CUX1: variants seen among roughly 807,000 people sequenced by gnomAD.
The protein encoded by CUX1 is cut like homeobox 1, also known as protein CASP.
A neutral mutation model predicts 158.8 loss-of-function variants in CUX1; 31 were observed. The observed-to-expected ratio is 0.20, with a 90% CI of 0.15 to 0.26. The LOEUF (loss-of-function observed/expected upper bound fraction) is 0.26. Among genes scored for constraint, CUX1 ranks in the 10% least tolerant of loss-of-function variants. The probability of loss-of-function intolerance (pLI) is 1.00; values close to 1 mark genes in which losing one functional copy is unlikely to be tolerated. For missense variants in CUX1, 1,589 were observed against 2,014.6 expected (o/e 0.79, Z 4.04); for synonymous variants, 879 against 862.1 (o/e 1.02, Z -0.34).
At chr7:101,881,646 A>G (rs1017762775) in intron 1 of CUX1, among the ~76,000 whole-genome samples, 1 of 152,142 alleles carries the variant, frequency 6.6e-6, no homozygotes, top group Non-Finnish European at 1.5e-5. Context: ...GACGCCACCG[A>G]TTTGTCAAGA....
intron 3 of CUX1, among the ~76,000 whole-genome samples, chr7:102,065,752 C>T (rs190831214): frequency 2.0e-5 from 3 of 151,730 alleles, no homozygotes; most frequent in Non-Finnish European, 2.9e-5. Context: ...GGTTTTTATG[C>T]CGGTTTAGAT....
Position 102,249,203 on chromosome 7 carries a change from G to C in CUX1, c.*161G>C. On this transcript the variant is annotated 3_prime_UTR_variant, in exon 24 of 24. Coordinates refer to ENST00000292535, the MANE Select transcript of CUX1 (RefSeq NM_181552.4). ...GCAGCCCAGACCCCCTCCACGGTCC[G>C]CGGCCTGCACCGACCCGAGGCCCAG... is the stretch of plus-strand genomic sequence containing the variant. 14 of 1,118,446 alleles carry C rather than the reference G, an allele frequency of 1.3e-5. No individual in the cohort carries two copies. The highest frequency in any genetic ancestry group is 4.4e-5 in the South Asian group (1 of 22,512). 69.3% of individuals were successfully genotyped at this position (1,118,446 alleles called of 1,614,324 possible).
At chr7:102,242,130 G>A (rs1049694416) in intron 23 of CUX1, among the ~76,000 whole-genome samples, 2 of 152,104 alleles carry the variant, frequency 1.3e-5, no homozygotes, top group Non-Finnish European at 2.9e-5. Flanking sequence ...GGAAATGAAC[G>A]GAAACGTGGA....
rs150481400 is a variant in CUX1 at position 102,028,434 on chromosome 7, C to T, written c.189+289C>T. On this transcript the variant is annotated intron_variant, in intron 3 of 23. Transcript: ENST00000292535. Reference sequence around the variant, plus strand: ...TGCAACAGGCAGGTTGTTGGCGCTACGGCCTTCAGGAGCCCATGCATCCCC... The same window carrying T: ...TGCAACAGGCAGGTTGTTGGCGCTATGGCCTTCAGGAGCCCATGCATCCCC... 5.3e-3 allele frequency among the ~76,000 whole-genome samples: 814 copies of T among 152,300 alleles called. 4 individuals carry two copies. The highest frequency in any genetic ancestry group is 0.018 in the African/African-American group (762 of 41,556).
chr7:101,888,158 A>G (rs1800452751), intron 1 of CUX1, among the ~76,000 whole-genome samples: 1 of 151,900 alleles, frequency 6.6e-6, no homozygotes, highest in South Asian at 2.1e-4. Flanking sequence ...ACATGGCGAA[A>G]CCCCGTCTCT....
intron 1 of CUX1, among the ~76,000 whole-genome samples, chr7:101,859,502 G>T (rs1305833147): frequency 6.6e-6 from 1 of 151,976 alleles, no homozygotes; most frequent in East Asian, 1.9e-4. Context: ...CCCGTATTTG[G>T]CCTATTTCAG....
At chr7:102,099,552 G>A (rs1554485659) in intron 5 of CUX1, among the ~76,000 whole-genome samples, 2 of 149,992 alleles carry the variant, frequency 1.3e-5, no homozygotes, top group Non-Finnish European at 1.5e-5. Context: ...TTTGGTGAGT[G>A]TTTTTTATTT....
intron 2 of CUX1, among the ~76,000 whole-genome samples, chr7:102,019,709 C>G (rs540814443): frequency 6.6e-6 from 1 of 152,188 alleles, no homozygotes; most frequent in Non-Finnish European, 1.5e-5. Context: ...AGTTGTACCA[C>G]GTACCACGCA....
At chr7:102,142,690 G>C (rs1834596165) in intron 8 of CUX1, among the ~76,000 whole-genome samples, 1 of 151,776 alleles carries the variant, frequency 6.6e-6, no homozygotes, top group African/African-American at 2.4e-5. Flanking sequence ...AGGGGATCGA[G>C]ACAGGAGGAT....
At chr7:102,120,555 G>A (rs1001077110) in intron 8 of CUX1, among the ~76,000 whole-genome samples, 1 of 152,126 alleles carries the variant, frequency 6.6e-6, no homozygotes, top group Non-Finnish European at 1.5e-5. Flanking sequence ...ACATAGTACG[G>A]TTACAAAAGA....
At position 101,916,181 on chromosome 7, in the gene CUX1, C is replaced by A. The variant is rs771176824; in HGVS notation, c.97C>A (p.Arg33=). Residue 33 remains arginine, a synonymous_variant, in exon 2 of 24, where the codon CGG becomes AGG. Transcript: ENST00000292535. The surrounding 1 kb of genome is among the most constrained non-coding windows in gnomAD (Gnocchi z 4.4). ...GGATGAAAGTGAGCAGTCCAGAAAGCGGCTTATCGAACAGAGCCGGGAGTT... is the reference window on the plus strand; with the variant it reads ...GGATGAAAGTGAGCAGTCCAGAAAGAGGCTTATCGAACAGAGCCGGGAGTT... ...RQDESEQSRK[R]LIEQSREFKK... 1.2e-6 allele frequency: 2 copies of A among 1,613,784 alleles called. No homozygotes were observed. The highest frequency in any genetic ancestry group is 1.7e-6 in the Non-Finnish European group (2 of 1,179,870).
At chr7:102,135,321 A>G (rs1211865087) in intron 8 of CUX1, among the ~76,000 whole-genome samples, 1 of 152,210 alleles carries the variant, frequency 6.6e-6, no homozygotes, top group African/African-American at 2.4e-5. Flanking sequence ...AAGGAAGAGA[A>G]AACACACTTT....
intron 9 of CUX1, among the ~76,000 whole-genome samples, chr7:102,166,174 C>A (rs1268975263): frequency 6.6e-6 from 1 of 152,222 alleles, no homozygotes; most frequent in African/African-American, 2.4e-5. Context: ...CACCAGTCCC[C>A]TTGCCGGGTG....
chr7:102,247,741 A>G (rs1336640699), intron 23 of CUX1, among the ~76,000 whole-genome samples: 3 of 152,236 alleles, frequency 2.0e-5, no homozygotes, highest in Non-Finnish European at 4.4e-5. Context: ...GGATCACTCA[A>G]GCCCAGTAGT....
At chr7:101,946,748 T>A (rs2129147737) in intron 2 of CUX1, among the ~76,000 whole-genome samples, 1 of 152,162 alleles carries the variant, frequency 6.6e-6, no homozygotes, top group African/African-American at 2.4e-5. Context: ...GGCCTTGCTG[T>A]CTTAATTTTA....
chr7:102,206,068 G>A (rs1453808082), intron 20 of CUX1, among the ~76,000 whole-genome samples: 3 of 152,244 alleles, frequency 2.0e-5, no homozygotes, highest in Non-Finnish European at 4.4e-5. Flanking sequence ...ACAGGAGCAC[G>A]AAGCCCGCCA....
At chr7:102,031,134 C>T (rs1297293630) in intron 3 of CUX1, among the ~76,000 whole-genome samples, 1 of 152,192 alleles carries the variant, frequency 6.6e-6, no homozygotes, top group East Asian at 1.9e-4. Context: ...TCTCAGCTCA[C>T]CACAACCTCC....
intron 21 of CUX1, among the ~76,000 whole-genome samples, chr7:102,229,845 C>T (rs1424452635): frequency 1.3e-5 from 2 of 151,898 alleles, no homozygotes; most frequent in African/African-American, 2.4e-5. Flanking sequence ...CTCGAATTGG[C>T]CTCTGGCCTC....
intron 20 of CUX1, among the ~76,000 whole-genome samples, chr7:102,223,626 AAAC>A (rs1369576924): frequency 6.6e-6 from 1 of 152,168 alleles, no homozygotes; most frequent in East Asian, 1.9e-4. Flanking sequence ...ATACTTTCTG[AAAC>A]AACAAGGCTT....
Sources: allele counts gnomAD v4.1 joint callset (sites outside exome capture counted in the v4.1 genomes callset), GRCh38; gene constraint gnomAD v4.1.1; non-coding constraint Gnocchi (gnomAD v3.1); transcripts MANE v1.5; gene names NCBI Gene and HGNC (gene_info 2026-07-23, HGNC 2026-07-21).